Variants in FGF14 observed in about 807,000 individuals in gnomAD.
FGF14 encodes the protein fibroblast growth factor homologous factor 4.
A neutral mutation model predicts 25.5 loss-of-function variants in FGF14; 5 were observed. The ratio of observed to expected loss-of-function variants is 0.20; its 90% confidence interval spans 0.10 to 0.41. The LOEUF (loss-of-function observed/expected upper bound fraction) is 0.41, where lower values mean the gene tolerates loss of function less well. Ranked by LOEUF, FGF14 falls within the 10% of genes least tolerant of loss-of-function variation. FGF14 has a pLI of 1.00. For missense variants in FGF14, 222 were observed against 320.1 expected (o/e 0.69, Z 2.34); for synonymous variants, 138 against 118.3 (o/e 1.17, Z -1.08).
At chr13:102,254,657 A>G (rs1261247012) in intron 1 of FGF14, among the ~76,000 whole-genome samples, 1 of 152,166 alleles carries the variant, frequency 6.6e-6, no homozygotes, top group Non-Finnish European at 1.5e-5. Context: ...GGGGCTAAAG[A>G]ATTCTGTGAT....
intron 1 of FGF14, among the ~76,000 whole-genome samples, chr13:102,262,674 A>G (rs973782470): frequency 2.6e-5 from 4 of 152,190 alleles, no homozygotes; most frequent in Non-Finnish European, 5.9e-5. Flanking sequence ...ACAGGTAAGC[A>G]TTATGTTAGG....
At chr13:102,097,363 C>T (rs904279561) in intron 1 of FGF14, among the ~76,000 whole-genome samples, 13 of 152,202 alleles carry the variant, frequency 8.5e-5, no homozygotes, top group African/African-American at 3.1e-4. Flanking sequence ...TAGAAATATA[C>T]TATCCCTTGG....
intron 1 of FGF14, among the ~76,000 whole-genome samples, chr13:102,182,762 A>C (rs1180804858): frequency 6.6e-6 from 1 of 152,162 alleles, no homozygotes; most frequent in Non-Finnish European, 1.5e-5. Flanking sequence ...GAAATACTAC[A>C]TTTCTTGCCC....
At chr13:101,741,634 TAAAA>T (rs11299686) in intron 3 of FGF14, among the ~76,000 whole-genome samples, 7 of 143,818 alleles carry the variant, frequency 4.9e-5, no homozygotes, top group Admixed American at 1.4e-4. Flanking sequence ...TTTATTACAG[TAAAA>T]AAAAAAAAAA....
chr13:101,781,940 T>A (rs1206329543), intron 3 of FGF14, among the ~76,000 whole-genome samples: 5 of 152,200 alleles, frequency 3.3e-5, no homozygotes, highest in Admixed American at 6.5e-5. Context: ...TTTCTCTGGC[T>A]CTCCTTTCCA....
intron 3 of FGF14, among the ~76,000 whole-genome samples, chr13:101,809,797 A>C (rs78529219): frequency 0.012 from 1,762 of 152,310 alleles, 34 homozygotes; most frequent in African/African-American, 0.04. Flanking sequence ...TCAACCCAGC[A>C]AACAGAGCCA....
intron 1 of FGF14, among the ~76,000 whole-genome samples, chr13:102,275,234 T>TTCTCTCCCTCTC (rs2053456365): frequency 5.9e-5 from 4 of 67,448 alleles, no homozygotes; most frequent in Non-Finnish European, 1.2e-4. Flanking sequence ...TTAGGCAGAT[T>TTCTCTCCCTCTC]TCTCTCTCTC....
At chr13:102,213,451 G>T (rs2050243191) in intron 1 of FGF14, among the ~76,000 whole-genome samples, 1 of 152,152 alleles carries the variant, frequency 6.6e-6, no homozygotes, top group Non-Finnish European at 1.5e-5. Context: ...AATGGTAGGT[G>T]AAATAAATGT....
intron 1 of FGF14, among the ~76,000 whole-genome samples, chr13:101,987,866 T>A (rs1223301260): frequency 6.6e-6 from 1 of 152,100 alleles, no homozygotes; most frequent in Non-Finnish European, 1.5e-5. Context: ...CAGCATGAGA[T>A]CCTAAGTGCA....
Position 102,186,680 on chromosome 13 carries a change from T to C in FGF14, c.208+214791A>G, listed in dbSNP as rs570837689. Among the ~76,000 whole-genome samples the C allele has an allele frequency of 8.5e-5, 13 of 152,306 alleles. No homozygotes were observed. The South Asian group carries it at 2.5e-3, about 29-fold the overall frequency. ...TCCAACTTTTGTAAAATCAGTGGTA[T>C]GATACATGTTTAAGTTATATATTTA... On this transcript the variant is annotated intron_variant, in intron 1 of 4. Transcript: ENST00000376131.
At chr13:101,900,469 C>T (rs79199593) in intron 1 of FGF14, among the ~76,000 whole-genome samples, 4,459 of 152,062 alleles carry the variant, frequency 0.029, 241 homozygotes, top group African/African-American at 0.1. Context: ...TACAAGTCGT[C>T]AATCTCAAAA....
chr13:102,170,867 T>C (rs2048217213), intron 1 of FGF14, among the ~76,000 whole-genome samples: 1 of 152,162 alleles, frequency 6.6e-6, no homozygotes. Context: ...TTCTGGGTTA[T>C]TTTCATCTAC....
chr13:102,136,350 G>T (rs1162353834), intron 1 of FGF14, among the ~76,000 whole-genome samples: 1 of 152,072 alleles, frequency 6.6e-6, no homozygotes, highest in East Asian at 1.9e-4. Context: ...GGAAACTGAG[G>T]CATGGAAAGT....
intron 1 of FGF14, among the ~76,000 whole-genome samples, chr13:102,275,939 A>G (rs1370456754): frequency 6.6e-6 from 1 of 152,144 alleles, no homozygotes; most frequent in Non-Finnish European, 1.5e-5. Context: ...GTTTAAGAGC[A>G]ATGAACAGTA....
At chr13:101,818,926 T>A (rs2041976499) in intron 3 of FGF14, among the ~76,000 whole-genome samples, 1 of 152,148 alleles carries the variant, frequency 6.6e-6, no homozygotes. Flanking sequence ...TTACTCCTGG[T>A]CAAAAATTAC....
chr13:102,301,927 G>A (rs1464156783), intron 1 of FGF14, among the ~76,000 whole-genome samples: 4 of 150,906 alleles, frequency 2.7e-5, no homozygotes, highest in South Asian at 2.1e-4. Flanking sequence ...AAGTGTCATC[G>A]GAAGAACACA....
At chr13:101,990,729 G>C (rs1484571208) in intron 1 of FGF14, among the ~76,000 whole-genome samples, 1 of 152,080 alleles carries the variant, frequency 6.6e-6, no homozygotes, top group East Asian at 1.9e-4. Flanking sequence ...GTAGAAATGG[G>C]GGAGTGATAA....
intron 1 of FGF14, among the ~76,000 whole-genome samples, chr13:102,216,521 T>C (rs2050378859): frequency 6.6e-6 from 1 of 152,178 alleles, no homozygotes; most frequent in African/African-American, 2.4e-5. Context: ...ATTATAAACA[T>C]TGCTTTTTTT....
chr13:101,756,231 A>G (rs1294318259), intron 3 of FGF14, among the ~76,000 whole-genome samples: 1 of 152,204 alleles, frequency 6.6e-6, no homozygotes, highest in East Asian at 1.9e-4. Flanking sequence ...TTTATTTTAG[A>G]CTAATTCATG....
Sources: allele counts gnomAD v4.1 joint callset (sites outside exome capture counted in the v4.1 genomes callset), GRCh38; gene constraint gnomAD v4.1.1; transcripts MANE v1.5; gene names NCBI Gene and HGNC (gene_info 2026-07-23, HGNC 2026-07-21).